The following MTSS1 variants were observed in gnomAD, a reference collection of about 807,000 sequenced individuals.
MTSS1 encodes the protein MTSS I-BAR domain containing 1.
In MTSS1, 18 loss-of-function variants were observed where a neutral mutation model predicts 79.0. The ratio of observed to expected loss-of-function variants is 0.23; its 90% confidence interval spans 0.16 to 0.34. The LOEUF is 0.34. Among genes scored for constraint, MTSS1 ranks in the 10% least tolerant of loss-of-function variants. MTSS1 has a pLI of 1.00. For synonymous variants in MTSS1, 341 were observed against 368.6 expected (o/e 0.93, Z 0.86); for missense variants, 815 against 986.2 (o/e 0.83, Z 2.33).
At chr8:124,617,316 A>G (rs977963739) in intron 3 of MTSS1, among the ~76,000 whole-genome samples, 14 of 152,212 alleles carry the variant, frequency 9.2e-5, no homozygotes, top group African/African-American at 2.9e-4. Context: ...AGGACCCACC[A>G]GAGAGCCCGC....
Position 124,727,478 on chromosome 8 carries a change from C to T in MTSS1, c.72+406G>A. On this transcript the variant is annotated intron_variant, in intron 1 of 13. Transcript: ENST00000518547. The surrounding 1 kb of genome is among the most constrained non-coding windows in gnomAD (Gnocchi z 4.7). ...CAGAGCCCCCACTTCCTCCCCACCACCGCGCCAGGCGCCCCCACCCCGTGC... is the reference window on the plus strand; with the variant it reads ...CAGAGCCCCCACTTCCTCCCCACCATCGCGCCAGGCGCCCCCACCCCGTGC... 2.2e-6 allele frequency: 1 copy of T among 448,300 alleles called. No individual in the cohort carries two copies. The highest frequency in any genetic ancestry group is 4.5e-6 in the Non-Finnish European group (1 of 224,128). 27.8% of individuals were successfully genotyped at this position (448,300 alleles called of 1,614,324 possible). A position where few individuals can be genotyped will look rare whatever the true frequency, so the allele number is the denominator to read the frequency against.
intron 3 of MTSS1, among the ~76,000 whole-genome samples, chr8:124,632,541 C>T (rs1247939351): frequency 6.6e-6 from 1 of 152,148 alleles, no homozygotes; most frequent in African/African-American, 2.4e-5. Context: ...TTGCTATAAC[C>T]TGGAAATTTC....
intron 3 of MTSS1, among the ~76,000 whole-genome samples, chr8:124,624,165 C>T (rs1814189189): frequency 6.6e-6 from 1 of 152,220 alleles, no homozygotes; most frequent in South Asian, 2.1e-4. Flanking sequence ...TGTGCGAAGA[C>T]TCATATAGGA....
chr8:124,600,071 T>C (rs1031901608), intron 3 of MTSS1, among the ~76,000 whole-genome samples: 1 of 149,542 alleles, frequency 6.7e-6, no homozygotes, highest in Non-Finnish European at 1.5e-5. Context: ...AAAAACCAAA[T>C]ATGCTGACCA....
At chr8:124,613,857 G>A (rs1836328805) in intron 3 of MTSS1, among the ~76,000 whole-genome samples, 1 of 152,120 alleles carries the variant, frequency 6.6e-6, no homozygotes, top group South Asian at 2.1e-4. Flanking sequence ...TTTGTTCTCA[G>A]CCACAGCAAG....
chr8:124,720,724 T>C (rs1263101041), intron 1 of MTSS1, among the ~76,000 whole-genome samples: 2 of 152,252 alleles, frequency 1.3e-5, no homozygotes, highest in Non-Finnish European at 2.9e-5. Context: ...TGGGGCAGTG[T>C]CTGCCTAAGA....
At chr8:124,605,834 A>G (rs1432099744) in intron 3 of MTSS1, among the ~76,000 whole-genome samples, 2 of 152,076 alleles carry the variant, frequency 1.3e-5, no homozygotes, top group African/African-American at 2.4e-5. Flanking sequence ...GCAGTTTTTC[A>G]TATTATTAGG....
At chr8:124,622,533 T>A (rs1028403108) in intron 3 of MTSS1, among the ~76,000 whole-genome samples, 26 of 150,274 alleles carry the variant, frequency 1.7e-4, no homozygotes, top group Admixed American at 6.0e-4. Context: ...AGTGGCTCAT[T>A]CCCATAATCC....
chr8:124,559,601 T>A (rs903673725), intron 10 of MTSS1, among the ~76,000 whole-genome samples: 2 of 152,190 alleles, frequency 1.3e-5, no homozygotes, highest in Admixed American at 1.3e-4. Flanking sequence ...GGAGTCCTAG[T>A]CAGCCACGGC....
chr8:124,577,691 A>C (rs1282320636), intron 6 of MTSS1: 10 of 507,188 alleles, frequency 2.0e-5, no homozygotes, highest in Non-Finnish European at 3.9e-5. Flanking sequence ...GTATTTCCTC[A>C]TCAGCCTTCT....
intron 3 of MTSS1, among the ~76,000 whole-genome samples, chr8:124,658,226 G>A (rs1821329721): frequency 6.6e-6 from 1 of 152,176 alleles, no homozygotes; most frequent in South Asian, 2.1e-4. Flanking sequence ...TTGTGGGAAG[G>A]ACCAGGTGGG....
At chr8:124,699,795 C>T (rs564128391) in intron 2 of MTSS1, among the ~76,000 whole-genome samples, 196 bp from the exon 3 acceptor site, 6 of 152,290 alleles carry the variant, frequency 3.9e-5, no homozygotes, top group Non-Finnish European at 7.4e-5. Flanking sequence ...CCAGCTCATT[C>T]GGTGCTAATC....
intron 3 of MTSS1, among the ~76,000 whole-genome samples, chr8:124,690,096 C>T (rs940484369): frequency 2.6e-5 from 4 of 152,150 alleles, no homozygotes; most frequent in African/African-American, 9.7e-5. Context: ...CACAAATCAA[C>T]TCAGTCACCC....
chr8:124,571,422 A>G (rs1375997679), intron 6 of MTSS1, among the ~76,000 whole-genome samples: 2 of 152,240 alleles, frequency 1.3e-5, no homozygotes, highest in Non-Finnish European at 1.5e-5. Context: ...GCAAGCAGCC[A>G]AACAGCATGG....
At chr8:124,583,925 T>G (rs1225021839) in intron 6 of MTSS1, among the ~76,000 whole-genome samples, 1 of 152,224 alleles carries the variant, frequency 6.6e-6, no homozygotes, top group Non-Finnish European at 1.5e-5. Flanking sequence ...CCTGGTTAGA[T>G]AGGATACAAA....
chr8:124,691,665 G>T (rs1409934004), intron 3 of MTSS1, among the ~76,000 whole-genome samples: 1 of 151,882 alleles, frequency 6.6e-6, no homozygotes, highest in Non-Finnish European at 1.5e-5. Context: ...ACAGATGCCC[G>T]CCACCACACC....
At chr8:124,696,492 C>T (rs554158202) in intron 3 of MTSS1, among the ~76,000 whole-genome samples, 59 of 152,126 alleles carry the variant, frequency 3.9e-4, no homozygotes, top group African/African-American at 1.4e-3. Context: ...AATAGTAGCA[C>T]GTATGGATTT....
At chr8:124,692,998 C>T (rs888119566) in intron 3 of MTSS1, among the ~76,000 whole-genome samples, 1 of 151,998 alleles carries the variant, frequency 6.6e-6, no homozygotes, top group Admixed American at 6.6e-5. Flanking sequence ...CCCAGCATGT[C>T]CCCCGAGGCC....
chr8:124,565,777 G>C lies in MTSS1; in HGVS notation c.727-18C>G. Reference sequence around the variant, plus strand: ...AGAATCACCTAAGGGGACAGAGCCAGCTGGGTGAATGAGGTGCTGAGAGGG... The same window carrying C: ...AGAATCACCTAAGGGGACAGAGCCACCTGGGTGAATGAGGTGCTGAGAGGG... On this transcript the variant is annotated intron_variant, in intron 8 of 13. Coordinates refer to ENST00000518547, the MANE Select transcript of MTSS1 (RefSeq NM_014751.6). The C allele has an allele frequency of 1.3e-6, 2 of 1,593,674 alleles. No homozygotes were observed. Among genetic ancestry groups the C allele is most frequent in the Non-Finnish European group, 1.7e-6 (2 of 1,162,320 alleles).
Sources: gnomAD v4.1 joint callset for allele counts (sites outside exome capture counted in the v4.1 genomes callset) on GRCh38, gnomAD v4.1.1 for gene constraint, Gnocchi (gnomAD v3.1) non-coding constraint, MANE v1.5 for transcripts, NCBI Gene and HGNC (gene_info 2026-07-23, HGNC 2026-07-21) for gene names.